Variants in CPA6 observed in about 807,000 individuals in gnomAD.
CPA6 encodes the protein carboxypeptidase A6, also known as carboxypeptidase B.
Under a neutral mutation model 63.3 loss-of-function variants are expected in CPA6, and 58 were observed. The observed-to-expected ratio is 0.92, with a 90% CI of 0.74 to 1.14. The LOEUF (loss-of-function observed/expected upper bound fraction) is 1.14. Ranked by LOEUF, CPA6 falls within the 50% of genes most tolerant of loss-of-function variation. The pLI is 0.00. For missense variants in CPA6, 565 were observed against 526.6 expected (o/e 1.07, Z -0.71); for synonymous variants, 185 against 179.0 (o/e 1.03, Z -0.27).
At chr8:67,620,813 T>C (rs2128986467) in intron 2 of CPA6, among the ~76,000 whole-genome samples, 2 of 152,298 alleles carry the variant, frequency 1.3e-5, no homozygotes, top group Middle Eastern at 6.8e-3. Context: ...TGAAGAAATG[T>C]ACAAAAAAAT....
intron 6 of CPA6, 41 bp from the exon 7 acceptor site, chr8:67,484,830 C>A (rs1366098272): frequency 7.1e-6 from 8 of 1,134,070 alleles, no homozygotes; most frequent in Middle Eastern, 2.3e-4. Flanking sequence ...AATTGGTCCC[C>A]AAAAGAGGAA....
chr8:67,506,787 T>C lies in CPA6; in HGVS notation c.636A>G (p.Glu212=), dbSNP rs1423402424. ...GPAFCQWFVK[E]ALLTYKSDPA... ...ACATTGTGTAAAGGGTTTAACTTAC[T>C]TCTTTTACAAACCACTGACAAAAGG... Residue 212 remains glutamate (E), a splice_region_variant and synonymous_variant, in exon 6 of 11, where the codon GAA becomes GAG. Coordinates refer to ENST00000297770, the MANE Select transcript of CPA6 (RefSeq NM_020361.5). 15 of 1,599,272 alleles carry C rather than the reference T, an allele frequency of 9.4e-6. No homozygotes were observed. Among genetic ancestry groups the C allele is most frequent in the African/African-American group, 2.7e-5 (2 of 74,616 alleles).
At chr8:67,429,951 C>T (rs1221107183) in intron 9 of CPA6, among the ~76,000 whole-genome samples, 1 of 152,060 alleles carries the variant, frequency 6.6e-6, no homozygotes, top group African/African-American at 2.4e-5. Flanking sequence ...GATCTCTCCA[C>T]AAAAATAAAA....
At chr8:67,493,170 T>G (rs1030402690) in intron 6 of CPA6, among the ~76,000 whole-genome samples, 1 of 152,220 alleles carries the variant, frequency 6.6e-6, no homozygotes, top group East Asian at 1.9e-4. Context: ...CTCAATTATT[T>G]ATTCCCTGTT....
At chr8:67,474,685 A>G (rs1811135384) in intron 8 of CPA6, among the ~76,000 whole-genome samples, 1 of 152,126 alleles carries the variant, frequency 6.6e-6, no homozygotes, top group South Asian at 2.1e-4. Context: ...ATTAAGAACC[A>G]GTTCTTCTGG....
chr8:67,675,314 G>T (rs1003852528), intron 1 of CPA6, among the ~76,000 whole-genome samples: 1 of 152,126 alleles, frequency 6.6e-6, no homozygotes, highest in Admixed American at 6.5e-5. Flanking sequence ...CATTGCTGCT[G>T]TGACTCTCCT....
At chr8:67,492,231 G>A (rs1252476191) in intron 6 of CPA6, among the ~76,000 whole-genome samples, 1 of 152,160 alleles carries the variant, frequency 6.6e-6, no homozygotes, top group East Asian at 1.9e-4. Flanking sequence ...TACAGATGAG[G>A]CAAGTGGTTG....
intron 3 of CPA6, among the ~76,000 whole-genome samples, chr8:67,514,357 A>G (rs1812101480): frequency 1.3e-5 from 2 of 152,294 alleles, no homozygotes; most frequent in Non-Finnish European, 2.9e-5. Flanking sequence ...AGGGGAATTG[A>G]TCACCTAGGG....
intron 1 of CPA6, among the ~76,000 whole-genome samples, chr8:67,684,394 C>T (rs1344858549): frequency 6.6e-6 from 1 of 152,066 alleles, no homozygotes; most frequent in Non-Finnish European, 1.5e-5. Flanking sequence ...TACAAGTTTC[C>T]TATTCCTGAC....
At chr8:67,604,819 C>T (rs1814586816) in intron 2 of CPA6, among the ~76,000 whole-genome samples, 1 of 152,030 alleles carries the variant, frequency 6.6e-6, no homozygotes, top group Non-Finnish European at 1.5e-5. Flanking sequence ...TTCTTTTTAC[C>T]CGGGCTGGAG....
intron 8 of CPA6, among the ~76,000 whole-genome samples, chr8:67,466,184 T>G (rs536917059): frequency 6.6e-6 from 1 of 151,976 alleles, no homozygotes; most frequent in African/African-American, 2.4e-5. Context: ...GATTCAATCT[T>G]GGGAGAGTGT....
chr8:67,502,074 T>G (rs1401541420), intron 6 of CPA6, among the ~76,000 whole-genome samples: 1 of 152,234 alleles, frequency 6.6e-6, no homozygotes, highest in Non-Finnish European at 1.5e-5. Flanking sequence ...TCTTCAGAGT[T>G]TGTAGTGATA....
Position 67,746,225 on chromosome 8 carries a change from G to T in CPA6, c.-96C>A. 2.6e-6 allele frequency: 2 copies of T among 769,134 alleles called. No homozygotes were observed. Among genetic ancestry groups the T allele is most frequent in the Non-Finnish European group, 4.1e-6 (2 of 490,192 alleles). The allele number at this position is 769,134 out of a possible 1,614,324, so 47.6% of individuals were successfully genotyped here. On this transcript the variant is annotated 5_prime_UTR_variant, in exon 1 of 11. Transcript: ENST00000297770. The stretch of plus-strand genomic sequence containing the variant: ...TCTACACACCGCACAGGTTCTCCGG[G>T]AAGGGGGTGGGCGAGGAAGGTTGAG...
At chr8:67,638,826 G>C (rs1054272902) in intron 1 of CPA6, among the ~76,000 whole-genome samples, 1 of 151,402 alleles carries the variant, frequency 6.6e-6, no homozygotes, top group South Asian at 2.1e-4. Flanking sequence ...TGCAGATGTT[G>C]TTTGTGAGAG....
intron 1 of CPA6, among the ~76,000 whole-genome samples, chr8:67,632,903 C>T (rs369838747): frequency 2.4e-4 from 36 of 152,160 alleles, no homozygotes; most frequent in Admixed American, 3.9e-4. Flanking sequence ...GAATATCTTT[C>T]GTATATAAAA....
chr8:67,700,528 C>A (rs529260439), intron 1 of CPA6, among the ~76,000 whole-genome samples: 2 of 152,166 alleles, frequency 1.3e-5, no homozygotes, highest in African/African-American at 4.8e-5. Context: ...GGAGACAAGT[C>A]AATCATTTGA....
intron 3 of CPA6, among the ~76,000 whole-genome samples, chr8:67,514,082 C>T (rs1015372955): frequency 9.9e-5 from 15 of 151,928 alleles, no homozygotes; most frequent in African/African-American, 3.1e-4. Context: ...CTCAGCCTCC[C>T]GAGTAGCTGG....
chr8:67,594,529 A>G (rs1814238898), intron 2 of CPA6, among the ~76,000 whole-genome samples: 1 of 152,164 alleles, frequency 6.6e-6, no homozygotes. Flanking sequence ...AACAATCAGG[A>G]CGCAGATTTG....
intron 1 of CPA6, among the ~76,000 whole-genome samples, chr8:67,644,364 C>T (rs1193535461): frequency 1.3e-5 from 2 of 152,132 alleles, no homozygotes; most frequent in East Asian, 1.9e-4. Flanking sequence ...GTGATCCGCC[C>T]GCCTCGGCCT....
Sources: gnomAD v4.1 joint callset for allele counts (sites outside exome capture counted in the v4.1 genomes callset) on GRCh38, gnomAD v4.1.1 for gene constraint, MANE v1.5 for transcripts, NCBI Gene and HGNC (gene_info 2026-07-23, HGNC 2026-07-21) for gene names.